Variants in RBM22 observed in about 807,000 individuals in gnomAD.
RBM22 encodes RNA binding motif protein 22, also known as pre-mRNA-splicing factor RBM22.
In RBM22, 1 loss-of-function variant was observed where a neutral mutation model predicts 50.1. The ratio of observed to expected loss-of-function variants is 0.02; its 90% CI spans 0.01 to 0.09. The LOEUF (loss-of-function observed/expected upper bound fraction) is 0.09. Ranked by LOEUF, RBM22 falls within the 10% of genes least tolerant of loss-of-function variation. RBM22 has a pLI of 1.00. For synonymous variants in RBM22, 152 were observed against 179.0 expected, an observed-to-expected ratio of 0.85 and a Z score of 1.20; for missense variants, 264 against 529.3, an observed-to-expected ratio of 0.50 and a Z score of 4.92.
At position 150,692,778 on chromosome 5, in the gene RBM22, G is replaced by T. The variant is rs942013791; in HGVS notation, c.1132+117C>A. On this transcript the variant is annotated intron_variant, in intron 10 of 10. Coordinates refer to ENST00000199814, the MANE Select transcript of RBM22 (RefSeq NM_018047.3). ...GAAATCCCAACAGATCAACTTTACT[G>T]GTAGACTTCTACAGAGCAAACTCAC... 18 of 1,173,772 alleles carry T rather than the reference G, an allele frequency of 1.5e-5. No individual in the cohort carries two copies. The African/African-American group carries it at 2.5e-4, about 16-fold the overall frequency. 72.7% of individuals were successfully genotyped at this position (1,173,772 alleles called of 1,614,324 possible).
At chr5:150,700,325 A>G (rs1176326620) in intron 2 of RBM22, 119 bp downstream of exon 2, 1 of 979,976 alleles carries the variant, frequency 1.0e-6, no homozygotes, top group Non-Finnish European at 1.5e-6. Context: ...GTCGTCCAGC[A>G]CTTCGCGTTA....
chr5:150,691,346 A>G lies in RBM22; in HGVS notation c.*405T>C, dbSNP rs1236902060. 1.3e-5 allele frequency: 2 copies of G among 153,828 alleles called. No homozygotes were observed. The highest frequency in any genetic ancestry group is 4.8e-5 in the African/African-American group (2 of 41,514). 9.5% of individuals were successfully genotyped at this position (153,828 alleles called of 1,614,324 possible). On this transcript the variant is annotated 3_prime_UTR_variant, in exon 11 of 11. Coordinates refer to ENST00000199814, the MANE Select transcript of RBM22 (RefSeq NM_018047.3). ...ATCTTTTTTTAAGATGATAAAAAGGAAAGTATCCAATGGACATAAAAATGG... is the reference window on the plus strand; with the variant it reads ...ATCTTTTTTTAAGATGATAAAAAGGGAAGTATCCAATGGACATAAAAATGG...
rs1001221382 is a variant in RBM22, at chr5:150,693,522, C to T, written c.912-215G>A. On this transcript the variant is annotated intron_variant, in intron 8 of 10. Transcript: ENST00000199814. ...AAAGCTGCTAGAACTATCATAAGGACCAGAAAAGGCAACACATACGTGTTT... is the reference window on the plus strand; with the variant it reads ...AAAGCTGCTAGAACTATCATAAGGATCAGAAAAGGCAACACATACGTGTTT... Among the ~76,000 whole-genome samples the T allele has an allele frequency of 2.6e-5, 4 of 152,164 alleles. 1 individual carries two copies. Among genetic ancestry groups the T allele is most frequent in the Admixed American group, 2.6e-4 (4 of 15,284 alleles).
Position 150,700,915 on chromosome 5 carries a change from C to T in RBM22, c.54+17G>A, listed in dbSNP as rs1386664542. ...CTTCGCCTCCTCCTTCCATCCTCCT[C>T]CGGCAGGCACACTCACCGCATCCTC... On this transcript the variant is annotated intron_variant, in intron 1 of 10. Transcript: ENST00000199814. 1.9e-6 allele frequency: 3 copies of T among 1,614,126 alleles called. No homozygotes were observed. The Admixed American group carries it at 5.0e-5, about 27-fold the overall frequency.
At chr5:150,700,565 G>A (rs754194093) in intron 1 of RBM22, 68 bp from the exon 2 acceptor site, 120 of 1,609,278 alleles carry the variant, frequency 7.5e-5, no homozygotes, top group Non-Finnish European at 9.2e-5. Context: ...TGACACTTGG[G>A]GTGGCGAGGG....
intron 8 of RBM22, among the ~76,000 whole-genome samples, 167 bp from the exon 9 acceptor site, chr5:150,693,474 A>G (rs1759235932): frequency 6.6e-6 from 1 of 152,202 alleles, no homozygotes; most frequent in Non-Finnish European, 1.5e-5. Flanking sequence ...AAAGGTTTTG[A>G]CACCAGAAAA....
At chr5:150,700,838 A>G in intron 1 of RBM22, 94 bp downstream of exon 1, 11 of 1,611,532 alleles carry the variant, frequency 6.8e-6, no homozygotes, top group Non-Finnish European at 8.5e-6. Flanking sequence ...CCTCCCCGGT[A>G]TTCCTTCGGC....
In RBM22 at chr5:150,692,874, A is replaced by G. The variant is rs762650571; in HGVS notation, c.1132+21T>C. On this transcript the variant is annotated intron_variant, in intron 10 of 10. Transcript: ENST00000199814. ...ACTTTCACAAGGATTTCTCTGGGCT[A>G]AGAAGGAAGATGGAAGTTACCTGGG... 2.5e-6 allele frequency: 4 copies of G among 1,577,122 alleles called. No homozygotes were observed. The East Asian group carries it at 9.0e-5, about 35-fold the overall frequency.
chr5:150,700,624 A>G, intron 1 of RBM22, 127 bp from the exon 2 acceptor site: 2 of 1,547,362 alleles, frequency 1.3e-6, no homozygotes, highest in Non-Finnish European at 1.7e-6. Context: ...CCCGAAGTCC[A>G]TCACGACCCG....
chr5:150,692,393 A>G (rs1387672057), intron 10 of RBM22, among the ~76,000 whole-genome samples: 1 of 152,200 alleles, frequency 6.6e-6, no homozygotes, highest in East Asian at 1.9e-4. Flanking sequence ...TGGCCACTCA[A>G]GACAAAGAGC....
rs761772635 is a variant in RBM22, at chr5:150,696,726, C to A, written c.373-21G>T. On this transcript the variant is annotated intron_variant, in intron 5 of 10. Coordinates refer to ENST00000199814, the MANE Select transcript of RBM22 (RefSeq NM_018047.3). The surrounding 1 kb of genome is among the most constrained non-coding windows in gnomAD (Gnocchi z 4.3). ...GAAATCTAAGTGGGGATGACAAATTCAAAAGATAAATTATACAGACTGTGT... is the reference window on the plus strand; with the variant it reads ...GAAATCTAAGTGGGGATGACAAATTAAAAAGATAAATTATACAGACTGTGT... The A allele has an allele frequency of 2.5e-6, 4 of 1,613,878 alleles. No homozygotes were observed. In the African/African-American group the frequency reaches 4.0e-5, roughly 16 times the overall value.
In RBM22 at chr5:150,691,519, T is replaced by G; in HGVS notation, c.*232A>C. The stretch of plus-strand genomic sequence containing the variant: ...GGGTAAGGGGAACAGGCGTTCGGTT[T>G]TATTAGTCATGTTACAGCAGTAACC... On this transcript the variant is annotated 3_prime_UTR_variant, in exon 11 of 11. Transcript: ENST00000199814. 1 of 377,836 alleles carries G rather than the reference T, an allele frequency of 2.6e-6. No homozygotes were observed. Among genetic ancestry groups the G allele is most frequent in the Non-Finnish European group, 4.5e-6 (1 of 222,190 alleles). The allele number at this position is 377,836 out of a possible 1,614,324, so 23.4% of individuals were successfully genotyped here.
intron 1 of RBM22, 38 bp from the exon 2 acceptor site, chr5:150,700,535 C>T (rs759087275): frequency 1.2e-6 from 2 of 1,613,698 alleles, no homozygotes; most frequent in South Asian, 2.2e-5. Context: ...GACCACCCTC[C>T]GAAGACCCTG....
rs1039836696 is a variant in RBM22 at position 150,691,183 on chromosome 5, T to C, written c.*568A>G. On this transcript the variant is annotated 3_prime_UTR_variant, in exon 11 of 11. Transcript: ENST00000199814. ...CCGTAGAGACGTAAAATGGTCAGATTCCTTTAGGAATAAATGAGGAAAAGG... is the reference window on the plus strand; with the variant it reads ...CCGTAGAGACGTAAAATGGTCAGATCCCTTTAGGAATAAATGAGGAAAAGG... The C allele has an allele frequency of 6.6e-6, 1 of 152,306 alleles. No homozygotes were observed. Among genetic ancestry groups the C allele is most frequent in the Admixed American group, 6.5e-5 (1 of 15,272 alleles). 9.4% of individuals were successfully genotyped at this position (152,306 alleles called of 1,614,324 possible).
chr5:150,693,266 G>A lies in RBM22; in HGVS notation c.953C>T (p.Thr318Ile), dbSNP rs1210685096. Residue 318 changes from threonine to isoleucine, a missense_variant, in exon 9 of 11, where the codon ACT becomes ATT. Thr to Ile is a moderately conservative substitution (Grantham distance 89). Transcript: ENST00000199814. Reference sequence around the variant, plus strand: ...TTCTAGTTTGATCCCAGAGTCTGTAGTTCCATCTTTCTCTTTTTCTTTTCC... The same window carrying A: ...TTCTAGTTTGATCCCAGAGTCTGTAATTCCATCTTTCTCTTTTTCTTTTCC... ...ARGKEKEKDG[T>I]TDSGIKLEPV... 1 of 1,613,934 alleles carries A rather than the reference G, an allele frequency of 6.2e-7. No individual in the cohort carries two copies. Among genetic ancestry groups the A allele is most frequent in the African/African-American group, 1.3e-5 (1 of 74,904 alleles).
rs1265555012 is a variant in RBM22 at position 150,691,480 on chromosome 5, C to T, written c.*271G>A. 3 of 268,974 alleles carry T rather than the reference C, an allele frequency of 1.1e-5. No homozygotes were observed. Among genetic ancestry groups the T allele is most frequent in the Non-Finnish European group, 2.1e-5 (3 of 144,626 alleles). The allele number at this position is 268,974 out of a possible 1,614,324, so 16.7% of individuals were successfully genotyped here. A position where few individuals can be genotyped will look rare whatever the true frequency, so the allele number is the denominator to read the frequency against. ...CTGGACATTCCAATTCACTCATCTG[C>T]GTGTCCCCCACACGGGTAAGGGGAA... On this transcript the variant is annotated 3_prime_UTR_variant, in exon 11 of 11. Coordinates refer to ENST00000199814, the MANE Select transcript of RBM22 (RefSeq NM_018047.3).
In RBM22 at chr5:150,691,844, G is replaced by T; in HGVS notation, c.1170C>A (p.Pro390=). 1.3e-6 allele frequency: 2 copies of T among 1,599,948 alleles called. No homozygotes were observed. Among genetic ancestry groups the T allele is most frequent in the South Asian group, 2.3e-5 (2 of 87,188 alleles). The change falls in exon 11 of 11, where the codon CCC becomes CCA. Residue 390 remains proline, a synonymous_variant. Coordinates refer to ENST00000199814, the MANE Select transcript of RBM22 (RefSeq NM_018047.3). ...GTCCTGGAGCCCGCATGAAAGGAGG[G>T]GGTGGTCCCATTGGGTGGAACATGT... The part of the protein sequence containing the change: ...GPHMFHPMGP[P]PPFMRAPGPI...
intron 4 of RBM22, among the ~76,000 whole-genome samples, chr5:150,697,330 A>C (rs1759288857): frequency 6.6e-6 from 1 of 152,154 alleles, no homozygotes; most frequent in Non-Finnish European, 1.5e-5. Flanking sequence ...GCTGAGGTGG[A>C]TCACCTGAGC....
Position 150,696,711 on chromosome 5 carries a change from T to A in RBM22, c.373-6A>T, listed in dbSNP as rs768991398. 16 of 1,614,070 alleles carry A rather than the reference T, an allele frequency of 9.9e-6. No individual in the cohort carries two copies. In the South Asian group the frequency reaches 1.4e-4, roughly 14 times the overall value. On this transcript the variant is annotated splice_polypyrimidine_tract_variant and splice_region_variant and intron_variant, in intron 5 of 10. Transcript: ENST00000199814. The surrounding 1 kb of genome is among the most constrained non-coding windows in gnomAD (Gnocchi z 4.3). ...GTTCCATCAGAGTTAGAAATCTAAG[T>A]GGGGATGACAAATTCAAAAGATAAA... is the stretch of plus-strand genomic sequence containing the variant.
Sources: gnomAD v4.1 joint callset for allele counts (sites outside exome capture counted in the v4.1 genomes callset) on GRCh38, gnomAD v4.1.1 for gene constraint, Gnocchi (gnomAD v3.1) non-coding constraint, MANE v1.5 for transcripts, NCBI Gene and HGNC (gene_info 2026-07-23, HGNC 2026-07-21) for gene names.